Variants in FOXO1 observed in about 807,000 individuals in gnomAD.
The protein encoded by FOXO1 is forkhead box O1, also known as forkhead box protein O1.
A neutral mutation model predicts 44.1 loss-of-function variants in FOXO1; 6 were observed. The observed-to-expected ratio is 0.14, with a 90% CI of 0.07 to 0.27. The LOEUF (loss-of-function observed/expected upper bound fraction) is 0.27. Ranked by LOEUF, FOXO1 falls within the 10% of genes least tolerant of loss-of-function variation. FOXO1 has a pLI of 1.00. For synonymous variants in FOXO1, 380 were observed against 362.7 expected, an observed-to-expected ratio of 1.05 and a Z score of -0.54; for missense variants, 737 against 888.8, an observed-to-expected ratio of 0.83 and a Z score of 2.17.
At position 40,665,775 on chromosome 13, in the gene FOXO1, C is replaced by G. The variant is rs763951509; in HGVS notation, c.438G>C (p.Ala146=). The G allele has an allele frequency of 4.0e-5, 53 of 1,338,938 alleles. 1 individual carries two copies. In the Admixed American group the frequency reaches 1.5e-3, roughly 38 times the overall value. The allele number at this position is 1,338,938 out of a possible 1,614,324, so 82.9% of individuals were successfully genotyped here. The stretch of plus-strand genomic sequence containing the variant: ...ACGAGCTGCTCTTGCGCGGCTGCCC[C>G]GCGAGCGGCCCAGCGGCGGCGGGGG... ...PVPPAAAGPL[A]GQPRKSSSSR... Residue 146 remains alanine (A), a synonymous_variant, in exon 1 of 3, where the codon GCG becomes GCC. Transcript: ENST00000379561.
At chr13:40,649,426 T>C (rs1160264804) in intron 1 of FOXO1, among the ~76,000 whole-genome samples, 2 of 152,160 alleles carry the variant, frequency 1.3e-5, no homozygotes, top group African/African-American at 4.8e-5. Context: ...ATGACAGAAT[T>C]GATGACTTCT....
chr13:40,638,717 G>A (rs1164705387), intron 1 of FOXO1, among the ~76,000 whole-genome samples: 6 of 152,180 alleles, frequency 3.9e-5, no homozygotes, highest in Non-Finnish European at 7.3e-5. Context: ...TTCAGAAGGT[G>A]GCAATGGTCC....
intron 1 of FOXO1, among the ~76,000 whole-genome samples, chr13:40,575,158 C>T (rs757003470): frequency 1.3e-5 from 2 of 151,490 alleles, no homozygotes; most frequent in Admixed American, 6.6e-5. Context: ...ACAATGAGAC[C>T]ATCCTGTCTC....
At chr13:40,571,610 C>T (rs1168307429) in intron 1 of FOXO1, among the ~76,000 whole-genome samples, 2 of 152,246 alleles carry the variant, frequency 1.3e-5, no homozygotes, top group South Asian at 2.1e-4. Flanking sequence ...CCTGAAACTT[C>T]GACTGAATTA....
intron 1 of FOXO1, among the ~76,000 whole-genome samples, chr13:40,587,959 G>A (rs1028207021): frequency 2.6e-5 from 4 of 152,156 alleles, no homozygotes; most frequent in African/African-American, 9.7e-5. Flanking sequence ...GAGAGTCAAT[G>A]CACTAACATT....
chr13:40,612,385 A>G (rs903350757), intron 1 of FOXO1, among the ~76,000 whole-genome samples: 6 of 152,242 alleles, frequency 3.9e-5, no homozygotes, highest in African/African-American at 1.4e-4. Context: ...GCCATGTATG[A>G]TGGCAAAAAT....
At chr13:40,638,630 A>G (rs1877241959) in intron 1 of FOXO1, among the ~76,000 whole-genome samples, 1 of 152,162 alleles carries the variant, frequency 6.6e-6, no homozygotes, top group African/African-American at 2.4e-5. Flanking sequence ...TCAATTGGGG[A>G]GGAAATCAAG....
chr13:40,581,611 A>G (rs1475239089), intron 1 of FOXO1, among the ~76,000 whole-genome samples: 7 of 152,160 alleles, frequency 4.6e-5, no homozygotes, highest in Admixed American at 1.3e-4. Flanking sequence ...GTTTCCCACA[A>G]ATGACAATGT....
intron 1 of FOXO1, among the ~76,000 whole-genome samples, chr13:40,639,888 A>C (rs1384161393): frequency 2.0e-5 from 3 of 152,244 alleles, no homozygotes; most frequent in African/African-American, 7.2e-5. Context: ...GGGAGAGAGC[A>C]ACCTTTGCCT....
chr13:40,665,428 CG>C (rs1209158052), intron 1 of FOXO1, among the ~76,000 whole-genome samples, 154 bp downstream of exon 1: 1 of 143,714 alleles, frequency 7.0e-6, no homozygotes, highest in East Asian at 1.9e-4. Context: ...CGACCGGACC[CG>C]GGCGAGGCCA....
At chr13:40,569,050 A>C (rs901123268) in intron 1 of FOXO1, among the ~76,000 whole-genome samples, 1 of 152,214 alleles carries the variant, frequency 6.6e-6, no homozygotes, top group South Asian at 2.1e-4. Context: ...ATGGTCTCAA[A>C]CCGCTATAGA....
intron 1 of FOXO1, among the ~76,000 whole-genome samples, chr13:40,595,679 A>G (rs913547448): frequency 1.3e-5 from 2 of 152,176 alleles, no homozygotes; most frequent in Admixed American, 1.3e-4. Context: ...ATAAATTCAC[A>G]ATTTCCTCTG....
intron 2 of FOXO1, 85 bp downstream of exon 2, chr13:40,559,424 G>C: frequency 8.1e-7 from 1 of 1,231,488 alleles, no homozygotes; most frequent in Non-Finnish European, 1.1e-6. Flanking sequence ...TGACATCAAA[G>C]ATGTGCTAAC....
chr13:40,562,346 G>A (rs1194008489), intron 1 of FOXO1, among the ~76,000 whole-genome samples: 1 of 152,124 alleles, frequency 6.6e-6, no homozygotes, highest in Non-Finnish European at 1.5e-5. Context: ...TCATCCCTAG[G>A]CCAACTAGGG....
chr13:40,635,760 G>A (rs561577491), intron 1 of FOXO1, among the ~76,000 whole-genome samples: 1 of 152,330 alleles, frequency 6.6e-6, no homozygotes, highest in South Asian at 2.1e-4. Flanking sequence ...CACCACTGAG[G>A]AGAGTGAGTC....
At chr13:40,618,746 G>C in intron 1 of FOXO1, 3 of 481,500 alleles carry the variant, frequency 6.2e-6, no homozygotes, top group South Asian at 4.8e-5. Flanking sequence ...GGATGAATCA[G>C]TCTAGATCTA....
chr13:40,589,899 C>T (rs1593390653), intron 1 of FOXO1, among the ~76,000 whole-genome samples: 1 of 152,252 alleles, frequency 6.6e-6, no homozygotes, highest in East Asian at 1.9e-4. Flanking sequence ...CCAGAAGCAG[C>T]AGATGTTTAA....
At chr13:40,585,343 G>GCGCGCGCA (rs10623475) in intron 1 of FOXO1, among the ~76,000 whole-genome samples, 18 of 147,020 alleles carry the variant, frequency 1.2e-4, no homozygotes, top group African/African-American at 4.3e-4. Context: ...CTGCGCGCGC[G>GCGCGCGCA]CACACACACA....
intron 1 of FOXO1, among the ~76,000 whole-genome samples, chr13:40,651,924 G>C (rs1372405661): frequency 2.6e-5 from 4 of 152,014 alleles, no homozygotes; most frequent in Non-Finnish European, 5.9e-5. Flanking sequence ...GAAGGGGAGA[G>C]ACCAATTCAG....
Sources: gnomAD v4.1 joint callset for allele counts (sites outside exome capture counted in the v4.1 genomes callset) on GRCh38, gnomAD v4.1.1 for gene constraint, MANE v1.5 for transcripts, NCBI Gene and HGNC (gene_info 2026-07-23, HGNC 2026-07-21) for gene names.